CDH20: variants seen among roughly 807,000 people sequenced by gnomAD.
CDH20 encodes the protein cadherin 20, also known as cadherin-20.
CDH20 carries 29 observed loss-of-function variants against 74.2 expected under a neutral mutation model. The ratio of observed to expected loss-of-function variants is 0.39; its 90% CI spans 0.29 to 0.53. The LOEUF is 0.53. CDH20 is among the 20% of genes least tolerant of loss of function. The probability of loss-of-function intolerance (pLI) is 0.69; values close to 1 mark genes in which losing one functional copy is unlikely to be tolerated. For missense variants in CDH20, 988 were observed against 1,048.3 expected, an observed-to-expected ratio of 0.94 and a Z score of 0.79; for synonymous variants, 469 against 405.4, an observed-to-expected ratio of 1.16 and a Z score of -1.88.
rs1228886723 is a variant in CDH20, at chr18:61,346,554, AAGT to A, written c.-153+12730_-153+12732del. ...ACAAGTATTCTTTATTTATGAGAGT[AAGT>A]AGAATTTTCAAGGAACACGAAAATA... On this transcript the variant is annotated intron_variant, in intron 1 of 11. Transcript: ENST00000262717. Among the ~76,000 whole-genome samples the A allele has an allele frequency of 7.2e-5, 11 of 152,220 alleles. 1 individual carries two copies. In the South Asian group the frequency reaches 8.3e-4, roughly 11 times the overall value.
At chr18:61,491,380 T>C (rs563066496) in intron 2 of CDH20, among the ~76,000 whole-genome samples, 3 of 152,350 alleles carry the variant, frequency 2.0e-5, no homozygotes, top group African/African-American at 7.2e-5. Context: ...CTGTGTTTAC[T>C]TTATTGGGGT....
chr18:61,543,481 G>A (rs558575652), intron 9 of CDH20, among the ~76,000 whole-genome samples: 9 of 152,252 alleles, frequency 5.9e-5, no homozygotes, highest in Middle Eastern at 3.4e-3. Context: ...TGTTCCAGTC[G>A]TCTGTTTCAC....
chr18:61,437,819 T>C (rs1012218006), intron 1 of CDH20, among the ~76,000 whole-genome samples: 2 of 152,188 alleles, frequency 1.3e-5, no homozygotes, highest in Admixed American at 1.3e-4. Flanking sequence ...AACTATTCAG[T>C]GTAGATTTTA....
Position 61,554,409 on chromosome 18 carries a change from G to C in CDH20, c.2120G>C (p.Ser707Thr). 6.2e-7 allele frequency: 1 copy of C among 1,612,956 alleles called. No individual in the cohort carries two copies. The highest frequency in any genetic ancestry group is 8.5e-7 in the Non-Finnish European group (1 of 1,179,716). ...CAGGACATGCTGCCCGAGATCGAGA[G>C]CCTCTCCCGCTACGTGCCTCAGACG... ...TRQDMLPEIE[S>T]LSRYVPQTCA... Residue 707 changes from serine (S) to threonine (T), a missense_variant, in exon 12 of 12, where the codon AGC (serine) becomes ACC (threonine). This residue lies in a region of CDH20 where 375 missense variants were observed against 293.1 expected (regional missense o/e 1.28). Transcript: ENST00000262717.
intron 1 of CDH20, among the ~76,000 whole-genome samples, chr18:61,373,400 C>A (rs920732073): frequency 6.6e-6 from 1 of 152,054 alleles, no homozygotes; most frequent in African/African-American, 2.4e-5. Context: ...CCCCTAATGA[C>A]TATTACCCGA....
intron 6 of CDH20, among the ~76,000 whole-genome samples, chr18:61,518,805 G>A (rs1292252605): frequency 1.3e-5 from 2 of 151,010 alleles, no homozygotes; most frequent in Admixed American, 6.6e-5. Context: ...TCAGAAAGTG[G>A]GTAATAACAA....
At chr18:61,520,043 G>A (rs941996553) in intron 6 of CDH20, among the ~76,000 whole-genome samples, 4 of 150,786 alleles carry the variant, frequency 2.7e-5, no homozygotes, top group African/African-American at 7.4e-5. Context: ...AAGGCCAGGC[G>A]TGGTGGCTCA....
chr18:61,482,382 A>G (rs1027037150), intron 1 of CDH20, among the ~76,000 whole-genome samples: 7 of 152,048 alleles, frequency 4.6e-5, no homozygotes, highest in Non-Finnish European at 7.4e-5. Context: ...TCCAGTTCCA[A>G]CTTTTCTTCA....
At chr18:61,442,913 G>GAA (rs34447458) in intron 1 of CDH20, among the ~76,000 whole-genome samples, 16 of 149,748 alleles carry the variant, frequency 1.1e-4, no homozygotes, top group South Asian at 2.1e-4. Context: ...CCGGGATCCT[G>GAA]AAAAAAAAAA....
At chr18:61,354,648 A>G (rs1313268075) in intron 1 of CDH20, among the ~76,000 whole-genome samples, 1 of 152,068 alleles carries the variant, frequency 6.6e-6, no homozygotes, top group Non-Finnish European at 1.5e-5. Flanking sequence ...TTTTTTTTCA[A>G]ATGAGTAGCT....
chr18:61,538,483 T>A (rs918744643), intron 8 of CDH20, among the ~76,000 whole-genome samples: 1 of 151,948 alleles, frequency 6.6e-6, no homozygotes, highest in African/African-American at 2.4e-5. Context: ...CCGGCCACAC[T>A]CTTAGTAGGC....
At chr18:61,442,189 A>T (rs1909053742) in intron 1 of CDH20, among the ~76,000 whole-genome samples, 1 of 151,968 alleles carries the variant, frequency 6.6e-6, no homozygotes, top group Admixed American at 6.6e-5. Flanking sequence ...CTCCCTACGT[A>T]AAAAACTGAA....
chr18:61,533,944 GT>G (rs1243268629), intron 7 of CDH20, among the ~76,000 whole-genome samples: 1 of 152,040 alleles, frequency 6.6e-6, no homozygotes, highest in Non-Finnish European at 1.5e-5. Flanking sequence ...AGACCCATGA[GT>G]TTTTTTCTCA....
chr18:61,439,187 C>A, intron 1 of CDH20, among the ~76,000 whole-genome samples: 1 of 152,004 alleles, frequency 6.6e-6, no homozygotes, highest in East Asian at 1.9e-4. Context: ...CAATTGTACC[C>A]CAAGCCTCAG....
chr18:61,549,728 A>G lies in CDH20; in HGVS notation c.1649-250A>G, dbSNP rs534611007. On this transcript the variant is annotated intron_variant, in intron 10 of 11. Transcript: ENST00000262717. ...CCTTGGGCACTTTATGTCACAAAGG[A>G]TAAGACAGACTCAAAAAAAAAAGAG... 1.1e-5 allele frequency: 5 copies of G among 461,404 alleles called. No homozygotes were observed. The South Asian group carries it at 1.4e-4, about 13-fold the overall frequency. 28.6% of individuals were successfully genotyped at this position (461,404 alleles called of 1,614,324 possible). A position where few individuals can be genotyped will look rare whatever the true frequency, so the allele number is the denominator to read the frequency against.
Position 61,555,622 on chromosome 18 carries a change from C to A in CDH20, c.*927C>A, listed in dbSNP as rs1913603185. On this transcript the variant is annotated 3_prime_UTR_variant, in exon 12 of 12. Coordinates refer to ENST00000262717, the MANE Select transcript of CDH20 (RefSeq NM_031891.4). The stretch of plus-strand genomic sequence containing the variant: ...AGGGATGTTTACATACTGTAGATAA[C>A]CTACTTGAACAAAAATCAGTATTAT... 4 of 984,042 alleles carry A rather than the reference C, an allele frequency of 4.1e-6. No homozygotes were observed. Among genetic ancestry groups the A allele is most frequent in the Non-Finnish European group, 1.2e-6 (1 of 828,856 alleles). 61.0% of individuals were successfully genotyped at this position (984,042 alleles called of 1,614,324 possible). A position where few individuals can be genotyped will look rare whatever the true frequency, so the allele number is the denominator to read the frequency against.
chr18:61,522,763 C>A (rs1912256760), intron 6 of CDH20, among the ~76,000 whole-genome samples: 2 of 152,132 alleles, frequency 1.3e-5, no homozygotes, highest in Non-Finnish European at 2.9e-5. Flanking sequence ...TAATGCCACA[C>A]ACCTACAACC....
chr18:61,345,128 C>T (rs759971327), intron 1 of CDH20, among the ~76,000 whole-genome samples: 7 of 152,168 alleles, frequency 4.6e-5, no homozygotes, highest in Non-Finnish European at 7.3e-5. Context: ...TGCTTCATGC[C>T]CACCAATCCG....
chr18:61,552,032 C>A (rs1599165144), intron 11 of CDH20, among the ~76,000 whole-genome samples: 1 of 152,250 alleles, frequency 6.6e-6, no homozygotes, highest in Admixed American at 6.5e-5. Context: ...GTCATAAAAT[C>A]CTCACAGTTT....
Sources: allele counts gnomAD v4.1 joint callset (sites outside exome capture counted in the v4.1 genomes callset), GRCh38; gene constraint gnomAD v4.1.1; regional missense constraint gnomAD v4.1.1; transcripts MANE v1.5; gene names NCBI Gene and HGNC (gene_info 2026-07-23, HGNC 2026-07-21).